Variants in STIM1 observed in about 807,000 individuals in gnomAD.
STIM1 encodes stromal interaction molecule 1.
In STIM1, 25 loss-of-function variants were observed where a neutral mutation model predicts 74.7. The observed-to-expected ratio is 0.33, with a 90% confidence interval of 0.24 to 0.47. The LOEUF (loss-of-function observed/expected upper bound fraction) is 0.47, where lower values mean the gene tolerates loss of function less well. Among genes scored for constraint, STIM1 ranks in the 20% least tolerant of loss-of-function variants. The pLI is 1.00. For missense variants in STIM1, 728 were observed against 920.8 expected (o/e 0.79, Z 2.71); for synonymous variants, 328 against 348.8 (o/e 0.94, Z 0.66).
At chr11:3,958,950 TAAA>T (rs372506065) in intron 1 of STIM1, among the ~76,000 whole-genome samples, 2 of 134,692 alleles carry the variant, frequency 1.5e-5, no homozygotes, top group Non-Finnish European at 3.2e-5. Context: ...AAACTCTGTC[TAAA>T]AAAAAAAAAA....
intron 2 of STIM1, among the ~76,000 whole-genome samples, chr11:3,971,230 TG>T (rs2093390013): frequency 8.2e-6 from 1 of 121,286 alleles, no homozygotes; most frequent in East Asian, 2.2e-4. Context: ...TAAACAAGTA[TG>T]AAAAAAAAAA....
chr11:3,932,690 A>G (rs1429099546), intron 1 of STIM1, among the ~76,000 whole-genome samples: 1 of 151,516 alleles, frequency 6.6e-6, no homozygotes, highest in Admixed American at 6.6e-5. Context: ...AAAAAAAGAA[A>G]AGAAAAGAGA....
intron 1 of STIM1, among the ~76,000 whole-genome samples, chr11:3,899,816 C>T (rs962011265): frequency 6.6e-6 from 1 of 151,210 alleles, no homozygotes; most frequent in South Asian, 2.1e-4. Flanking sequence ...TGCTGGATTA[C>T]ATTTATTGAT....
intron 5 of STIM1, among the ~76,000 whole-genome samples, chr11:4,062,558 G>T (rs2094338548): frequency 6.6e-6 from 1 of 152,222 alleles, no homozygotes; most frequent in Non-Finnish European, 1.5e-5. Flanking sequence ...GGAGGCAGAG[G>T]TTGCAGTGAG....
chr11:4,043,223 C>T (rs2094162115), intron 3 of STIM1, among the ~76,000 whole-genome samples: 1 of 151,964 alleles, frequency 6.6e-6, no homozygotes, highest in South Asian at 2.1e-4. Flanking sequence ...TTGTAGCTAC[C>T]TCAGAATAAA....
chr11:4,084,586 C>A, intron 10 of STIM1, 87 bp from the exon 11 acceptor site: 6 of 1,110,452 alleles, frequency 5.4e-6, no homozygotes, highest in Non-Finnish European at 7.3e-6. Context: ...TCCCTGCCCC[C>A]AGCCCTTCCT....
At chr11:3,956,206 C>T (rs1383706755) in intron 1 of STIM1, among the ~76,000 whole-genome samples, 4 of 152,042 alleles carry the variant, frequency 2.6e-5, no homozygotes, top group African/African-American at 7.3e-5. Flanking sequence ...GCACTAGCAC[C>T]GCCTATAGCT....
intron 1 of STIM1, among the ~76,000 whole-genome samples, chr11:3,860,009 C>T (rs1241718380): frequency 6.6e-6 from 1 of 152,202 alleles, no homozygotes; most frequent in Non-Finnish European, 1.5e-5. Context: ...TCATATGTTC[C>T]TGTGGGGATT....
intron 2 of STIM1, among the ~76,000 whole-genome samples, chr11:4,006,165 T>C (rs984977186): frequency 8.5e-5 from 13 of 152,124 alleles, no homozygotes; most frequent in African/African-American, 3.1e-4. Context: ...CAGTATTGAA[T>C]AGTGAGTGAG....
chr11:4,076,281 T>A (rs1193307522), intron 7 of STIM1, among the ~76,000 whole-genome samples: 1 of 151,794 alleles, frequency 6.6e-6, no homozygotes, highest in East Asian at 1.9e-4. Context: ...AGGTCAGAAG[T>A]TCGAGACCAG....
chr11:4,061,765 A>G (rs372307907), intron 5 of STIM1, among the ~76,000 whole-genome samples: 5 of 152,392 alleles, frequency 3.3e-5, no homozygotes, highest in South Asian at 4.1e-4. Context: ...AGATGAATAG[A>G]TAAATACATT....
At position 3,895,713 on chromosome 11, in the gene STIM1, T is replaced by C. The variant is rs1336043717; in HGVS notation, c.139+39304T>C. 6.3e-4 allele frequency among the ~76,000 whole-genome samples: 24 copies of C among 38,196 alleles called. 1 individual carries two copies. The highest frequency in any genetic ancestry group is 9.0e-4 in the Non-Finnish European group (20 of 22,194). 25.1% of individuals were successfully genotyped at this position (38,196 alleles called of 152,430 possible). On this transcript the variant is annotated intron_variant, in intron 1 of 12. Transcript: ENST00000526596. ...TTCTTTCTTTCTTTCTTTCTTTCTT[T>C]CTTTCTTTCTTTCTTTCTTTCTTTT...
At chr11:3,903,399 G>A (rs1416143412) in intron 1 of STIM1, 1 of 152,230 alleles carries the variant, frequency 6.6e-6, no homozygotes, top group Non-Finnish European at 1.5e-5. Context: ...GCCACAGGGT[G>A]TTGTAGCAAC....
At position 4,037,701 on chromosome 11, in the gene STIM1, C is replaced by CTA. The variant is rs150197638; in HGVS notation, c.385+13726_385+13727dup. On this transcript the variant is annotated intron_variant, in intron 3 of 12. Coordinates refer to ENST00000526596, the MANE Select transcript of STIM1 (RefSeq NM_001382567.1). ...TCCTGTAGGTGCATATAGTTGGGTC[C>CTA]TATATATATATATGTATATTTTGCA... 1.8e-4 allele frequency among the ~76,000 whole-genome samples: 27 copies of CTA among 150,768 alleles called. No individual in the cohort carries two copies. The Middle Eastern group carries it at 0.01, about 57-fold the overall frequency.
intron 2 of STIM1, among the ~76,000 whole-genome samples, chr11:3,971,130 C>G (rs1286914277): frequency 6.6e-6 from 1 of 151,684 alleles, no homozygotes; most frequent in African/African-American, 2.4e-5. Flanking sequence ...AATCCCAGCA[C>G]TTTGGGAGGC....
chr11:4,043,335 A>C (rs1370382836), intron 3 of STIM1, among the ~76,000 whole-genome samples: 1 of 152,126 alleles, frequency 6.6e-6, no homozygotes, highest in Non-Finnish European at 1.5e-5. Flanking sequence ...TATCTTTACT[A>C]CCCAAGATGC....
chr11:3,989,482 C>T (rs1305908902), intron 2 of STIM1: 11 of 658,018 alleles, frequency 1.7e-5, no homozygotes, highest in Non-Finnish European at 3.2e-5. Context: ...GTGGAGGGTG[C>T]GTGCGGGATG....
At chr11:3,873,037 C>T (rs10835226) in intron 1 of STIM1, among the ~76,000 whole-genome samples, 35,495 of 151,350 alleles carry the variant, frequency 0.23, 5,275 homozygotes, top group South Asian at 0.4. Flanking sequence ...TAACCTCCAA[C>T]TCCTGGGCGT....
intron 1 of STIM1, among the ~76,000 whole-genome samples, chr11:3,872,437 G>A (rs1404287429): frequency 6.6e-6 from 1 of 152,128 alleles, no homozygotes; most frequent in Non-Finnish European, 1.5e-5. Context: ...CTGAGCTCTT[G>A]GGGAAATGTA....
Sources: allele counts gnomAD v4.1 joint callset (sites outside exome capture counted in the v4.1 genomes callset), GRCh38; gene constraint gnomAD v4.1.1; transcripts MANE v1.5; gene names NCBI Gene and HGNC (gene_info 2026-07-23, HGNC 2026-07-21).